The following SIPA1L3 variants were observed in gnomAD, a reference collection of about 807,000 sequenced individuals.
The protein encoded by SIPA1L3 is signal induced proliferation associated 1 like 3, also known as signal-induced proliferation-associated 1-like protein 3.
A neutral mutation model predicts 150.1 loss-of-function variants in SIPA1L3; 59 were observed. That is an observed-to-expected ratio of 0.39 (90% CI 0.32 to 0.49). The LOEUF (loss-of-function observed/expected upper bound fraction) is 0.49, where lower values mean the gene tolerates loss of function less well. Ranked by LOEUF, SIPA1L3 falls within the 20% of genes least tolerant of loss-of-function variation. The probability of loss-of-function intolerance (pLI) is 0.86; values close to 1 mark genes in which losing one functional copy is unlikely to be tolerated. For synonymous variants in SIPA1L3, 1,070 were observed against 1,077.6 expected (o/e 0.99, Z 0.14); for missense variants, 2,211 against 2,489.5 (o/e 0.89, Z 2.38).
At chr19:38,119,929 G>A in intron 9 of SIPA1L3, 47 bp downstream of exon 9, 6 of 1,410,994 alleles carry the variant, frequency 4.3e-6, no homozygotes, top group Non-Finnish European at 5.8e-6. Flanking sequence ...TATGGTTTCG[G>A]CCTCAGGAAC....
At chr19:37,914,089 A>C (rs1447880167) in intron 1 of SIPA1L3, among the ~76,000 whole-genome samples, 1 of 151,838 alleles carries the variant, frequency 6.6e-6, no homozygotes, top group Admixed American at 6.6e-5. Flanking sequence ...GTGATGGAGA[A>C]AATTTAACAG....
intron 11 of SIPA1L3, 134 bp from the exon 12 acceptor site, chr19:38,142,439 G>T (rs1971608596): frequency 2.1e-6 from 2 of 964,720 alleles, no homozygotes. Context: ...AAGGGATGTG[G>T]CTGGGCGGGG....
intron 1 of SIPA1L3, among the ~76,000 whole-genome samples, chr19:37,927,331 T>C (rs945937352): frequency 1.1e-4 from 17 of 152,108 alleles, no homozygotes; most frequent in Non-Finnish European, 2.1e-4. Flanking sequence ...TTGTATTTTT[T>C]AGTAGAGATT....
At chr19:38,015,541 T>G (rs1300739270) in intron 1 of SIPA1L3, among the ~76,000 whole-genome samples, 1 of 151,800 alleles carries the variant, frequency 6.6e-6, no homozygotes, top group African/African-American at 2.4e-5. Context: ...CTGGGAAACA[T>G]GGCGAAACTC....
At chr19:38,063,512 A>G (rs1288065467) in intron 2 of SIPA1L3, among the ~76,000 whole-genome samples, 1 of 152,236 alleles carries the variant, frequency 6.6e-6, no homozygotes, top group Non-Finnish European at 1.5e-5. Context: ...ATTGTCGAAT[A>G]TTGATTTAAT....
At chr19:38,200,611 A>C (rs1973067422) in intron 19 of SIPA1L3, 1 of 152,236 alleles carries the variant, frequency 6.6e-6, no homozygotes, top group South Asian at 2.1e-4. Flanking sequence ...AGAATCGGAG[A>C]ACATTTGCAG....
chr19:37,946,635 A>G (rs1463796992), intron 1 of SIPA1L3, among the ~76,000 whole-genome samples: 1 of 152,120 alleles, frequency 6.6e-6, no homozygotes, highest in Non-Finnish European at 1.5e-5. Context: ...TGTTGAAGAT[A>G]TGAATCATTT....
At chr19:38,102,455 G>A (rs1057053292) in intron 6 of SIPA1L3, among the ~76,000 whole-genome samples, 2 of 151,760 alleles carry the variant, frequency 1.3e-5, no homozygotes, top group South Asian at 4.2e-4. Flanking sequence ...ACACACATGA[G>A]CCACTACACC....
At chr19:37,929,521 A>G (rs2046534450) in intron 1 of SIPA1L3, among the ~76,000 whole-genome samples, 1 of 152,192 alleles carries the variant, frequency 6.6e-6, no homozygotes, top group Non-Finnish European at 1.5e-5. Flanking sequence ...TTGGAATACC[A>G]AGTATTCTGT....
At chr19:37,917,347 C>A (rs149099462) in intron 1 of SIPA1L3, among the ~76,000 whole-genome samples, 2 of 152,252 alleles carry the variant, frequency 1.3e-5, no homozygotes, top group African/African-American at 4.8e-5. Context: ...CCTGTTTTAT[C>A]TTGGCGGAGA....
At chr19:38,001,255 A>T (rs1027168958) in intron 1 of SIPA1L3, among the ~76,000 whole-genome samples, 25 of 151,744 alleles carry the variant, frequency 1.6e-4, no homozygotes, top group Non-Finnish European at 4.4e-5. Flanking sequence ...GGCCTATTAA[A>T]TTTCTACCTA....
intron 16 of SIPA1L3, chr19:38,184,931 C>G (rs1972643424): frequency 6.6e-6 from 1 of 152,490 alleles, no homozygotes; most frequent in Non-Finnish European, 1.5e-5. Flanking sequence ...GATGATCTGC[C>G]CCTCACCTCT....
Position 38,047,703 on chromosome 19 carries a change from G to A in SIPA1L3, c.-311+18547G>A, listed in dbSNP as rs948927380. Among the ~76,000 whole-genome samples the A allele has an allele frequency of 3.3e-5, 5 of 152,158 alleles. No individual in the cohort carries two copies. The highest frequency in any genetic ancestry group is 1.2e-4 in the African/African-American group (5 of 41,422). On this transcript the variant is annotated intron_variant, in intron 2 of 21. Transcript: ENST00000222345. The surrounding 1 kb of genome is among the most constrained non-coding windows in gnomAD (Gnocchi z 4.7). ...CTGGTATCTTTCCCTTGATGCTGAC[G>A]GAGGGATGTGACACCGCAGCCAGCC...
chr19:38,025,939 C>T (rs1357064070), intron 1 of SIPA1L3, among the ~76,000 whole-genome samples: 1 of 152,176 alleles, frequency 6.6e-6, no homozygotes, highest in African/African-American at 2.4e-5. Flanking sequence ...GTGACTGTTT[C>T]TAATTTTATT....
chr19:38,093,272 T>C (rs553125951), intron 4 of SIPA1L3, among the ~76,000 whole-genome samples: 1 of 152,238 alleles, frequency 6.6e-6, no homozygotes, highest in South Asian at 2.1e-4. Context: ...AAGAAGAGCA[T>C]TCCAGGCAGA....
At position 38,082,024 on chromosome 19, in the gene SIPA1L3, C is replaced by T. The variant is rs1600029484; in HGVS notation, c.459C>T (p.Asp153=). Residue 153 remains aspartate, a synonymous_variant, in exon 3 of 22, where the codon GAC becomes GAT. Coordinates refer to ENST00000222345, the MANE Select transcript of SIPA1L3 (RefSeq NM_015073.3). The stretch of plus-strand genomic sequence containing the variant: ...GGTCCAAAGACGTGGAGTTCCAGGA[C>T]GGGTGGCCCCGGTCCCCCGGCAGGG... ...RRRSKDVEFQ[D]GWPRSPGRAF... 2 of 1,614,130 alleles carry T rather than the reference C, an allele frequency of 1.2e-6. No homozygotes were observed. The highest frequency in any genetic ancestry group is 1.7e-6 in the Non-Finnish European group (2 of 1,180,004).
intron 2 of SIPA1L3, among the ~76,000 whole-genome samples, chr19:38,065,707 G>A (rs1278822216): frequency 6.6e-6 from 1 of 151,864 alleles, no homozygotes; most frequent in African/African-American, 2.4e-5. Context: ...CAGGCGTGAT[G>A]CGTTACTGCA....
Position 38,112,252 on chromosome 19 carries a change from GCA to G in SIPA1L3, c.2291+1875_2291+1876del, listed in dbSNP as rs548550795. The stretch of plus-strand genomic sequence containing the variant: ...CATGCACACACCTGCACTCACACAG[GCA>G]CACACAAGCACATGCACATATGCAC... On this transcript the variant is annotated intron_variant, in intron 8 of 21. Coordinates refer to ENST00000222345, the MANE Select transcript of SIPA1L3 (RefSeq NM_015073.3). 8.0e-5 allele frequency among the ~76,000 whole-genome samples: 12 copies of G among 150,796 alleles called. No individual in the cohort carries two copies. In the East Asian group the frequency reaches 2.2e-3, roughly 27 times the overall value.
At chr19:38,134,320 G>C (rs970611222) in intron 10 of SIPA1L3, among the ~76,000 whole-genome samples, 6 of 146,810 alleles carry the variant, frequency 4.1e-5, no homozygotes, top group African/African-American at 1.5e-4. Context: ...GATGGCACAT[G>C]CATGTAGTCT....
Sources: allele counts gnomAD v4.1 joint callset (sites outside exome capture counted in the v4.1 genomes callset), GRCh38; gene constraint gnomAD v4.1.1; non-coding constraint Gnocchi (gnomAD v3.1); transcripts MANE v1.5; gene names NCBI Gene and HGNC (gene_info 2026-07-23, HGNC 2026-07-21).